Variants in LARGE1 observed in about 807,000 individuals in gnomAD.
The protein encoded by LARGE1 is LARGE xylosyl- and glucuronyltransferase 1.
A neutral mutation model predicts 87.6 loss-of-function variants in LARGE1; 43 were observed. That is an observed-to-expected ratio of 0.49 (90% CI 0.38 to 0.63). The LOEUF is 0.63. Ranked by LOEUF, LARGE1 falls within the 30% of genes least tolerant of loss-of-function variation. The probability of loss-of-function intolerance (pLI) is 0.00; values close to 1 mark genes in which losing one functional copy is unlikely to be tolerated. For missense variants in LARGE1, 802 were observed against 1,000.2 expected, an observed-to-expected ratio of 0.80 and a Z score of 2.67; for synonymous variants, 434 against 394.6, an observed-to-expected ratio of 1.10 and a Z score of -1.18.
the LARGE1 span, among the ~76,000 whole-genome samples, chr22:33,088,800 G>A: frequency 2.0e-5 from 3 of 152,160 alleles, no homozygotes; most frequent in African/African-American, 7.2e-5. Flanking sequence ...TTTAGTACTC[G>A]TAAGACTTTG....
chr22:33,541,283 C>A (rs576683801), intron 6 of LARGE1, among the ~76,000 whole-genome samples: 1 of 150,504 alleles, frequency 6.6e-6, no homozygotes, highest in South Asian at 2.1e-4. Flanking sequence ...GACTTGAACA[C>A]AGGGCAAGCC....
At chr22:33,657,987 C>A (rs1343647951) in intron 2 of LARGE1, among the ~76,000 whole-genome samples, 1 of 152,054 alleles carries the variant, frequency 6.6e-6, no homozygotes, top group Admixed American at 6.6e-5. Context: ...TCCATGTCAT[C>A]CCAGCAACAA....
chr22:33,427,193 G>A (rs902837230), intron 7 of LARGE1, among the ~76,000 whole-genome samples: 5 of 152,196 alleles, frequency 3.3e-5, no homozygotes, highest in African/African-American at 1.2e-4. Flanking sequence ...TTGCATCTAG[G>A]AGATGATGCC....
intron 7 of LARGE1, among the ~76,000 whole-genome samples, chr22:33,399,271 T>G (rs535826030): frequency 6.6e-6 from 1 of 152,232 alleles, no homozygotes; most frequent in African/African-American, 2.4e-5. Context: ...TTGCTGATAA[T>G]ATTGGCTTCC....
intron 2 of LARGE1, among the ~76,000 whole-genome samples, chr22:33,655,653 C>T (rs929846902): frequency 1.3e-5 from 2 of 152,172 alleles, no homozygotes; most frequent in South Asian, 2.1e-4. Flanking sequence ...GGACGAACAA[C>T]GGCCTGCAGA....
chr22:33,354,355 TA>T (rs1240523954), intron 9 of LARGE1, among the ~76,000 whole-genome samples: 2 of 151,954 alleles, frequency 1.3e-5, no homozygotes, highest in East Asian at 1.9e-4. Flanking sequence ...AACTTGCAAA[TA>T]AAAAAAATTA....
At chr22:33,745,968 T>C (rs2084067030) in intron 2 of LARGE1, among the ~76,000 whole-genome samples, 1 of 152,120 alleles carries the variant, frequency 6.6e-6, no homozygotes, top group South Asian at 2.1e-4. Context: ...ATTTAAGAAA[T>C]GAAAGAAACC....
chr22:33,192,158 T>A (rs560911514), intron 11 of LARGE1, among the ~76,000 whole-genome samples: 1 of 152,228 alleles, frequency 6.6e-6, no homozygotes. Context: ...AGTGACTACA[T>A]AAAATTTTGT....
intron 9 of LARGE1, among the ~76,000 whole-genome samples, chr22:33,358,268 C>T (rs142933594): frequency 8.0e-5 from 12 of 149,838 alleles, no homozygotes; most frequent in African/African-American, 2.5e-4. Flanking sequence ...GGTAGTAATT[C>T]GAGATTTTAG....
chr22:33,781,881 AAGC>A (rs1284608721), intron 1 of LARGE1, among the ~76,000 whole-genome samples: 5 of 152,328 alleles, frequency 3.3e-5, no homozygotes, highest in South Asian at 2.1e-4. Context: ...GGATAACAGA[AAGC>A]AGCAAGAGAC....
chr22:33,451,891 T>C (rs62225313), intron 6 of LARGE1, among the ~76,000 whole-genome samples: 7,189 of 152,226 alleles, frequency 0.047, 229 homozygotes, highest in South Asian at 0.11. Context: ...TGCATCCTCA[T>C]AGCTTAGCTC....
At chr22:33,404,156 G>T (rs1018179091) in intron 7 of LARGE1, among the ~76,000 whole-genome samples, 5 of 152,178 alleles carry the variant, frequency 3.3e-5, no homozygotes, top group Non-Finnish European at 7.3e-5. Context: ...GGGAGATGTG[G>T]TGAAATTTTC....
At chr22:33,301,888 G>T (rs950229746) in intron 12 of LARGE1, among the ~76,000 whole-genome samples, 1 of 150,662 alleles carries the variant, frequency 6.6e-6, no homozygotes, top group Non-Finnish European at 1.5e-5. Flanking sequence ...GAAAGACAAA[G>T]AAAAAAAAAC....
intron 11 of LARGE1, among the ~76,000 whole-genome samples, chr22:33,252,208 T>G (rs1327229103): frequency 6.6e-6 from 1 of 152,084 alleles, no homozygotes; most frequent in African/African-American, 2.4e-5. Flanking sequence ...ATTTTTAAGT[T>G]ATAAATATTT....
intron 2 of LARGE1, among the ~76,000 whole-genome samples, chr22:33,680,490 C>T (rs1001829466): frequency 6.7e-6 from 1 of 150,000 alleles, no homozygotes; most frequent in Non-Finnish European, 1.5e-5. Context: ...ACCTTTGATG[C>T]ACAAATTTGT....
At chr22:33,475,946 A>G (rs779397533) in intron 6 of LARGE1, among the ~76,000 whole-genome samples, 1 of 152,222 alleles carries the variant, frequency 6.6e-6, no homozygotes. Context: ...CACTAAGCCA[A>G]AGATAAAAGT....
At chr22:33,291,859 G>A (rs375767106) in intron 12 of LARGE1, among the ~76,000 whole-genome samples, 4 of 152,196 alleles carry the variant, frequency 2.6e-5, no homozygotes, top group African/African-American at 7.2e-5. Context: ...TTGGGAGGCC[G>A]AGGTTGGGGG....
In LARGE1 at chr22:33,539,233, T is replaced by G. The variant is rs528090256; in HGVS notation, c.787+25615A>C. ...CCTACATCTGCACTTCATAGATTCT[T>G]TGTCAAAATTTTCTGATTAAAAGAA... On this transcript the variant is annotated intron_variant, in intron 6 of 14. Transcript: ENST00000397394. Among the ~76,000 whole-genome samples the G allele has an allele frequency of 2.1e-3, 297 of 143,980 alleles. 1 individual carries two copies. The highest frequency in any genetic ancestry group is 3.7e-3 in the Non-Finnish European group (244 of 65,848). 94.5% of individuals were successfully genotyped at this position (143,980 alleles called of 152,430 possible).
chr22:33,117,044 T>A, the LARGE1 span, among the ~76,000 whole-genome samples: 1 of 152,198 alleles, frequency 6.6e-6, no homozygotes, highest in East Asian at 1.9e-4. Context: ...CTGTGGTGAG[T>A]GAGTCACAGG....
Sources: allele counts gnomAD v4.1 joint callset (sites outside exome capture counted in the v4.1 genomes callset), GRCh38; gene constraint gnomAD v4.1.1; transcripts MANE v1.5; gene names NCBI Gene and HGNC (gene_info 2026-07-23, HGNC 2026-07-21).